PRKG1: variants seen among roughly 807,000 people sequenced by gnomAD.
The protein encoded by PRKG1 is protein kinase cGMP-dependent 1, also known as cGMP-dependent protein kinase 1.
A neutral mutation model predicts 88.1 loss-of-function variants in PRKG1; 35 were observed. The observed-to-expected ratio is 0.40, with a 90% CI of 0.30 to 0.53. The LOEUF (loss-of-function observed/expected upper bound fraction) is 0.53. Among genes scored for constraint, PRKG1 ranks in the 20% least tolerant of loss-of-function variants. The probability of loss-of-function intolerance (pLI) is 0.59; values close to 1 mark genes in which losing one functional copy is unlikely to be tolerated. For synonymous variants in PRKG1, 303 were observed against 292.5 expected (o/e 1.04, Z -0.37); for missense variants, 540 against 839.8 (o/e 0.64, Z 4.41).
At chr10:51,946,708 A>T (rs1480691169) in intron 5 of PRKG1, among the ~76,000 whole-genome samples, 2 of 151,906 alleles carry the variant, frequency 1.3e-5, no homozygotes, top group Non-Finnish European at 2.9e-5. Flanking sequence ...GGTCTGTTGG[A>T]GTTTGCTAGA....
chr10:51,833,157 G>A (rs1349413238), intron 4 of PRKG1, among the ~76,000 whole-genome samples: 1 of 152,174 alleles, frequency 6.6e-6, no homozygotes, highest in Non-Finnish European at 1.5e-5. Context: ...GACCTGACTT[G>A]CTGAGTCATG....
chr10:51,620,902 T>A (rs917535074), intron 3 of PRKG1, among the ~76,000 whole-genome samples: 1 of 151,454 alleles, frequency 6.6e-6, no homozygotes, highest in Non-Finnish European at 1.5e-5. Context: ...TAATCTGACA[T>A]TATAGATCAA....
At chr10:51,654,101 C>T (rs1294872781) in intron 3 of PRKG1, among the ~76,000 whole-genome samples, 2 of 151,616 alleles carry the variant, frequency 1.3e-5, no homozygotes, top group Non-Finnish European at 2.9e-5. Flanking sequence ...AATCACTGCC[C>T]AGATCAATGT....
At chr10:51,360,139 C>G (rs950302046) in intron 2 of PRKG1, among the ~76,000 whole-genome samples, 1 of 151,842 alleles carries the variant, frequency 6.6e-6, no homozygotes, top group Non-Finnish European at 1.5e-5. Flanking sequence ...CACTGCTTTT[C>G]ATAAATTTGA....
chr10:51,832,056 G>A (rs577026302), intron 4 of PRKG1, among the ~76,000 whole-genome samples: 1 of 152,048 alleles, frequency 6.6e-6, no homozygotes, highest in Admixed American at 6.6e-5. Context: ...TGTAAGACAG[G>A]TGAAAATATC....
chr10:52,095,550 C>T (rs371953663), intron 7 of PRKG1, among the ~76,000 whole-genome samples: 1 of 152,188 alleles, frequency 6.6e-6, no homozygotes, highest in Admixed American at 6.5e-5. Context: ...TCTTTGTCTC[C>T]TTTGTTTATT....
rs16927099 is a variant in PRKG1, at chr10:52,131,235, C to T, written c.936-2605C>T. Among the ~76,000 whole-genome samples the T allele has an allele frequency of 7.6e-3, 1,160 of 152,202 alleles. 16 individuals carry two copies. Among genetic ancestry groups the T allele is most frequent in the East Asian group, 0.052 (269 of 5,170 alleles). The stretch of plus-strand genomic sequence containing the variant: ...ATTTGGGATGAAACGGGGAGCAAAG[C>T]CAGCTATGGTCCCGGCCCTCATAGG... On this transcript the variant is annotated intron_variant, in intron 7 of 17. Transcript: ENST00000373980.
At chr10:51,885,629 G>T (rs903949413) in intron 4 of PRKG1, among the ~76,000 whole-genome samples, 1 of 152,094 alleles carries the variant, frequency 6.6e-6, no homozygotes, top group African/African-American at 2.4e-5. Flanking sequence ...CAGATCACTT[G>T]CAGTTCCCAC....
intron 2 of PRKG1, among the ~76,000 whole-genome samples, chr10:51,426,266 G>C (rs1476949963): frequency 6.6e-6 from 1 of 152,080 alleles, no homozygotes; most frequent in African/African-American, 2.4e-5. Flanking sequence ...GGGCGACAGA[G>C]CAAGACTCTG....
intron 3 of PRKG1, among the ~76,000 whole-genome samples, chr10:51,549,502 T>G (rs900206830): frequency 1.3e-5 from 2 of 152,010 alleles, no homozygotes; most frequent in African/African-American, 4.8e-5. Flanking sequence ...TTGCGATAGG[T>G]TTATTATTTA....
At chr10:51,330,139 T>G (rs988114461) in intron 2 of PRKG1, among the ~76,000 whole-genome samples, 69 of 143,694 alleles carry the variant, frequency 4.8e-4, no homozygotes, top group Non-Finnish European at 8.4e-4. Context: ...ATTTATTTAT[T>G]TATTTATTTT....
intron 2 of PRKG1, among the ~76,000 whole-genome samples, chr10:51,403,676 A>C (rs1346033819): frequency 6.6e-6 from 1 of 152,178 alleles, no homozygotes; most frequent in African/African-American, 2.4e-5. Context: ...AACTGCTGTC[A>C]AACTCTTTCC....
In PRKG1 at chr10:51,133,039, T is replaced by C. The variant is rs112198899; in HGVS notation, c.312-20125T>C. 2.4e-3 allele frequency among the ~76,000 whole-genome samples: 367 copies of C among 152,198 alleles called. 3 individuals carry two copies. The highest frequency in any genetic ancestry group is 8.5e-3 in the African/African-American group (352 of 41,524). ...GCATTTTAACTTGTCCAAATGAGCC[T>C]TACAATGAAATCTGAGACATAGTTA... On this transcript the variant is annotated intron_variant, in intron 1 of 17. Coordinates refer to ENST00000373980, the MANE Select transcript of PRKG1 (RefSeq NM_006258.4).
At chr10:51,749,985 G>C (rs2132507471) in intron 3 of PRKG1, among the ~76,000 whole-genome samples, 1 of 150,280 alleles carries the variant, frequency 6.7e-6, no homozygotes, top group African/African-American at 2.5e-5. Flanking sequence ...GCCCAGGCTG[G>C]AGTGCAATGG....
chr10:51,580,402 A>T (rs1165130572), intron 3 of PRKG1, among the ~76,000 whole-genome samples: 1 of 152,152 alleles, frequency 6.6e-6, no homozygotes, highest in East Asian at 1.9e-4. Context: ...TCTTGCCAAC[A>T]CATGGTATTA....
chr10:52,227,709 A>G (rs1048778396), intron 9 of PRKG1, among the ~76,000 whole-genome samples: 2 of 152,180 alleles, frequency 1.3e-5, no homozygotes, highest in African/African-American at 4.8e-5. Context: ...TAAAGACATG[A>G]ATAATAGAAA....
rs1333116763 is a variant in PRKG1, at chr10:51,313,097, G to GGT, written c.479-154619_479-154618dup. 2.7e-5 allele frequency among the ~76,000 whole-genome samples: 4 copies of GGT among 149,398 alleles called. No homozygotes were observed. The East Asian group carries it at 5.9e-4, about 22-fold the overall frequency. On this transcript the variant is annotated intron_variant, in intron 2 of 17. Transcript: ENST00000373980. ...TGTGTGTGTGTGTGTGTGTGTGTAG[G>GGT]GTGTGTGTATGTGGGATTGTTTTTG... is the stretch of plus-strand genomic sequence containing the variant.
intron 3 of PRKG1, among the ~76,000 whole-genome samples, chr10:51,797,355 A>G (rs1013307232): frequency 1.4e-5 from 2 of 146,624 alleles, no homozygotes; most frequent in Non-Finnish European, 3.0e-5. Flanking sequence ...TTTGTTATAT[A>G]TATAAGAGAA....
chr10:51,538,279 A>T (rs1842209672), intron 3 of PRKG1, among the ~76,000 whole-genome samples: 1 of 151,706 alleles, frequency 6.6e-6, no homozygotes, highest in Non-Finnish European at 1.5e-5. Context: ...CTCCTCCCAA[A>T]TATTTGCAGC....
Sources: allele counts gnomAD v4.1 joint callset (sites outside exome capture counted in the v4.1 genomes callset), GRCh38; gene constraint gnomAD v4.1.1; transcripts MANE v1.5; gene names NCBI Gene and HGNC (gene_info 2026-07-23, HGNC 2026-07-21).